Variants in TEAD1 observed in about 807,000 individuals in gnomAD.
The protein encoded by TEAD1 is TEA domain transcription factor 1.
Under a neutral mutation model 54.9 loss-of-function variants are expected in TEAD1, and 9 were observed. That is an observed-to-expected ratio of 0.16 (90% CI 0.10 to 0.29). The LOEUF is 0.29. Ranked by LOEUF, TEAD1 falls within the 10% of genes least tolerant of loss-of-function variation. The probability of loss-of-function intolerance (pLI) is 1.00; values close to 1 mark genes in which losing one functional copy is unlikely to be tolerated. For synonymous variants in TEAD1, 200 were observed against 187.8 expected (o/e 1.07, Z -0.53); for missense variants, 387 against 535.9 (o/e 0.72, Z 2.74).
chr11:12,757,832 T>C (rs1044049724), intron 2 of TEAD1, among the ~76,000 whole-genome samples: 1 of 152,226 alleles, frequency 6.6e-6, no homozygotes, highest in Non-Finnish European at 1.5e-5. Flanking sequence ...CAGACTGGAG[T>C]GCAGTGGCCT....
At chr11:12,895,789 C>G (rs992790666) in intron 9 of TEAD1, among the ~76,000 whole-genome samples, 5 of 152,266 alleles carry the variant, frequency 3.3e-5, no homozygotes, top group African/African-American at 1.2e-4. Flanking sequence ...GCCTTTTCAG[C>G]CATTTCTTTG....
chr11:12,696,764 A>G (rs1417417125), intron 2 of TEAD1, among the ~76,000 whole-genome samples: 2 of 152,068 alleles, frequency 1.3e-5, no homozygotes, highest in African/African-American at 2.4e-5. Flanking sequence ...CCGTTCAGCA[A>G]AGGGAGCTCC....
intron 3 of TEAD1, among the ~76,000 whole-genome samples, chr11:12,791,371 C>T (rs1282382626): frequency 6.6e-6 from 1 of 152,198 alleles, no homozygotes; most frequent in East Asian, 1.9e-4. Context: ...GGAAGGACCC[C>T]TTGTTATGAT....
chr11:12,814,219 C>CGT (rs1432215578), intron 3 of TEAD1, among the ~76,000 whole-genome samples: 1 of 152,300 alleles, frequency 6.6e-6, no homozygotes, highest in East Asian at 1.9e-4. Flanking sequence ...CCAGAGACCA[C>CGT]GCTCAGGGGA....
At chr11:12,815,813 G>T (rs539347853) in intron 3 of TEAD1, among the ~76,000 whole-genome samples, 1 of 152,248 alleles carries the variant, frequency 6.6e-6, no homozygotes, top group South Asian at 2.1e-4. Flanking sequence ...AGCAGGTGTC[G>T]GCCACACCAA....
intron 2 of TEAD1, among the ~76,000 whole-genome samples, chr11:12,749,772 C>T (rs1047253865): frequency 6.6e-6 from 1 of 152,138 alleles, no homozygotes; most frequent in African/African-American, 2.4e-5. Context: ...AATATTTGTT[C>T]ATTTGAATGA....
chr11:12,786,578 A>G (rs1945681519), intron 3 of TEAD1, among the ~76,000 whole-genome samples: 1 of 152,232 alleles, frequency 6.6e-6, no homozygotes, highest in Non-Finnish European at 1.5e-5. Context: ...AACTCTACTT[A>G]GTAAGGACTG....
At chr11:12,807,627 A>C (rs1946202947) in intron 3 of TEAD1, among the ~76,000 whole-genome samples, 1 of 152,250 alleles carries the variant, frequency 6.6e-6, no homozygotes, top group African/African-American at 2.4e-5. Flanking sequence ...ACTATTAATC[A>C]CTATTAGCTC....
At chr11:12,741,154 C>A (rs916519185) in intron 2 of TEAD1, among the ~76,000 whole-genome samples, 3 of 152,024 alleles carry the variant, frequency 2.0e-5, no homozygotes, top group African/African-American at 7.2e-5. Flanking sequence ...TTTAAAAATT[C>A]ATATTCTATG....
chr11:12,860,738 G>A (rs761838962), intron 3 of TEAD1, among the ~76,000 whole-genome samples: 3 of 152,128 alleles, frequency 2.0e-5, no homozygotes, highest in Non-Finnish European at 4.4e-5. Context: ...TATCTGGGAG[G>A]AAGTAAGACA....
chr11:12,922,400 T>G (rs1245386175), intron 10 of TEAD1: 4 of 50,094 alleles, frequency 8.0e-5, no homozygotes, highest in South Asian at 9.7e-4. Flanking sequence ...GTTTCACCGT[T>G]TTAGCCGGGA....
intron 11 of TEAD1, 118 bp from the exon 12 acceptor site, chr11:12,930,056 T>C: frequency 9.1e-7 from 1 of 1,098,480 alleles, no homozygotes; most frequent in South Asian, 1.3e-5. Flanking sequence ...GTAAGTAGTA[T>C]AGCATATAGA....
At chr11:12,746,845 G>C (rs1180053583) in intron 2 of TEAD1, among the ~76,000 whole-genome samples, 2 of 152,266 alleles carry the variant, frequency 1.3e-5, no homozygotes, top group African/African-American at 2.4e-5. Context: ...GCTGAAGCAG[G>C]CTGGGCTGAG....
At chr11:12,837,723 T>TCTC (rs1491194593) in intron 3 of TEAD1, among the ~76,000 whole-genome samples, 1,423 of 95,352 alleles carry the variant, frequency 0.015, 32 homozygotes, top group African/African-American at 0.044. Flanking sequence ...TCCTTCTCCT[T>TCTC]CTTCTTCTCC....
At chr11:12,726,213 G>T (rs991588795) in intron 2 of TEAD1, among the ~76,000 whole-genome samples, 4 of 152,222 alleles carry the variant, frequency 2.6e-5, no homozygotes, top group African/African-American at 9.6e-5. Context: ...GGAGAAGGTA[G>T]TTAGGGAAGG....
chr11:12,814,625 C>T (rs553127242), intron 3 of TEAD1, among the ~76,000 whole-genome samples: 43 of 152,200 alleles, frequency 2.8e-4, no homozygotes, highest in Non-Finnish European at 5.6e-4. Context: ...AGCGTGACAG[C>T]ACTTGAGAGT....
chr11:12,904,618 T>C (rs1948485850), intron 10 of TEAD1, among the ~76,000 whole-genome samples: 1 of 152,216 alleles, frequency 6.6e-6, no homozygotes, highest in South Asian at 2.1e-4. Flanking sequence ...AAAGCAGCAC[T>C]ACCTGTCTCA....
chr11:12,916,638 G>A (rs921571663), intron 10 of TEAD1, among the ~76,000 whole-genome samples: 20 of 152,158 alleles, frequency 1.3e-4, no homozygotes, highest in Admixed American at 1.2e-3. Context: ...TGAGAAAAGC[G>A]AGACCCAAAA....
intron 4 of TEAD1, chr11:12,864,577 A>G (rs1947575808): frequency 9.9e-7 from 1 of 1,010,602 alleles, no homozygotes; most frequent in Non-Finnish European, 1.3e-6. Flanking sequence ...CCCCACCCCA[A>G]AACCCTCCCA....
Sources: allele counts gnomAD v4.1 joint callset (sites outside exome capture counted in the v4.1 genomes callset), GRCh38; gene constraint gnomAD v4.1.1; transcripts MANE v1.5; gene names NCBI Gene and HGNC (gene_info 2026-07-23, HGNC 2026-07-21).